Variants in PRDM5 observed in about 807,000 individuals in gnomAD.
The protein encoded by PRDM5 is PR domain zinc finger protein 5.
PRDM5 carries 56 observed loss-of-function variants against 81.2 expected under a neutral mutation model. The observed-to-expected ratio is 0.69, with a 90% CI of 0.56 to 0.86. The LOEUF (loss-of-function observed/expected upper bound fraction) is 0.86, where lower values mean the gene tolerates loss of function less well. Among genes scored for constraint, PRDM5 ranks in the 40% least tolerant of loss-of-function variants. PRDM5 has a pLI of 0.00. For missense variants in PRDM5, 697 were observed against 770.1 expected, an observed-to-expected ratio of 0.91 and a Z score of 1.12; for synonymous variants, 267 against 256.4, an observed-to-expected ratio of 1.04 and a Z score of -0.39.
intron 2 of PRDM5, among the ~76,000 whole-genome samples, chr4:120,879,967 A>G (rs1006768226): frequency 6.6e-6 from 1 of 152,186 alleles, no homozygotes; most frequent in Non-Finnish European, 1.5e-5. Context: ...TGCATCTGTC[A>G]GAACCCATAG....
intron 14 of PRDM5, among the ~76,000 whole-genome samples, chr4:120,730,070 G>T (rs1740028417): frequency 6.6e-6 from 1 of 152,176 alleles, no homozygotes; most frequent in African/African-American, 2.4e-5. Flanking sequence ...CATCTTGATG[G>T]CTGCATATCT....
chr4:120,689,998 A>C (rs1382239156), downstream of PRDM5, among the ~76,000 whole-genome samples: 3 of 152,152 alleles, frequency 2.0e-5, no homozygotes, highest in African/African-American at 7.2e-5. Context: ...ATAATCAATT[A>C]AATGTCACAT....
At chr4:120,800,701 T>C (rs939417572) in intron 8 of PRDM5, among the ~76,000 whole-genome samples, 1 of 152,196 alleles carries the variant, frequency 6.6e-6, no homozygotes, top group Non-Finnish European at 1.5e-5. Flanking sequence ...GAGTAGATTA[T>C]AGTTGCTCTT....
intron 14 of PRDM5, among the ~76,000 whole-genome samples, chr4:120,751,904 GA>G (rs1241894420): frequency 1.3e-5 from 2 of 152,162 alleles, no homozygotes; most frequent in African/African-American, 4.8e-5. Context: ...TACTGAATTA[GA>G]TAGCTTATTT....
chr4:120,897,525 T>C (rs1764777422), intron 2 of PRDM5, among the ~76,000 whole-genome samples: 1 of 152,234 alleles, frequency 6.6e-6, no homozygotes, highest in African/African-American at 2.4e-5. Flanking sequence ...GGAAAATTCT[T>C]AGCCATTACC....
chr4:120,775,613 AACTG>A (rs1366031730), intron 13 of PRDM5, among the ~76,000 whole-genome samples: 2 of 152,156 alleles, frequency 1.3e-5, no homozygotes, highest in African/African-American at 4.8e-5. Flanking sequence ...CATTACCATA[AACTG>A]ACTATTCTGA....
At chr4:120,812,133 G>A (rs1259996505) in intron 7 of PRDM5, among the ~76,000 whole-genome samples, 3 of 152,066 alleles carry the variant, frequency 2.0e-5, no homozygotes, top group Non-Finnish European at 4.4e-5. Flanking sequence ...TGAAATTTGT[G>A]CAGCTGTGCC....
rs540050258 is a variant in PRDM5, at chr4:120,841,800, C to G, written c.300+11618G>C. Among the ~76,000 whole-genome samples the G allele has an allele frequency of 3.3e-5, 5 of 152,242 alleles. No homozygotes were observed. The East Asian group carries it at 9.7e-4, about 29-fold the overall frequency. On this transcript the variant is annotated intron_variant, in intron 3 of 15. Coordinates refer to ENST00000264808, the MANE Select transcript of PRDM5 (RefSeq NM_018699.4). Reference sequence around the variant, plus strand: ...AGCTTTCATGTTGTTTGCTTGGCTCCATATATAACAAATGTTTCATTATAT... The same window carrying G: ...AGCTTTCATGTTGTTTGCTTGGCTCGATATATAACAAATGTTTCATTATAT...
intron 13 of PRDM5, among the ~76,000 whole-genome samples, chr4:120,759,893 A>C (rs561228898): frequency 5.9e-5 from 9 of 152,258 alleles, no homozygotes; most frequent in Non-Finnish European, 1.3e-4. Context: ...GGAAATAATA[A>C]CAATAGCTAA....
intron 8 of PRDM5, among the ~76,000 whole-genome samples, chr4:120,801,081 C>T (rs1231373851): frequency 1.3e-5 from 2 of 152,178 alleles, no homozygotes; most frequent in Non-Finnish European, 2.9e-5. Context: ...AACAGCATCA[C>T]ACAATGTTGT....
intron 2 of PRDM5, among the ~76,000 whole-genome samples, chr4:120,872,115 C>T (rs2148542995): frequency 8.2e-6 from 1 of 121,350 alleles, no homozygotes; most frequent in East Asian, 2.8e-4. Flanking sequence ...CACGCCACTG[C>T]ATTCCAGCCT....
chr4:120,842,614 T>C (rs1362336452), intron 3 of PRDM5, among the ~76,000 whole-genome samples: 1 of 152,238 alleles, frequency 6.6e-6, no homozygotes, highest in African/African-American at 2.4e-5. Flanking sequence ...ATATTAAGTA[T>C]TTTGGATTTC....
chr4:120,908,484 A>C (rs1401151587), intron 1 of PRDM5, among the ~76,000 whole-genome samples: 1 of 152,238 alleles, frequency 6.6e-6, no homozygotes, highest in African/African-American at 2.4e-5. Context: ...ATAACCACTA[A>C]GGCAATATTT....
At position 120,692,750 on chromosome 4, in the gene PRDM5, G is replaced by C. The variant is rs1170770957; in HGVS notation, c.*2361C>G. ...AATACCCCAGCCAAAATCTTTCACA[G>C]CAGGAAACAGAAGACATTTCAAAGT... On this transcript the variant is annotated 3_prime_UTR_variant, in exon 16 of 16. Transcript: ENST00000264808. The C allele has an allele frequency of 6.6e-6, 1 of 152,058 alleles. No individual in the cohort carries two copies. The highest frequency in any genetic ancestry group is 6.6e-5 in the Admixed American group (1 of 15,236). 9.4% of individuals were successfully genotyped at this position (152,058 alleles called of 1,614,324 possible).
chr4:120,844,550 AAAC>A (rs1240813204), intron 3 of PRDM5, among the ~76,000 whole-genome samples: 2 of 152,198 alleles, frequency 1.3e-5, no homozygotes, highest in African/African-American at 4.8e-5. Flanking sequence ...GGGCCACCAT[AAAC>A]CATACGTATA....
At chr4:120,788,854 A>T (rs2149258756) in intron 10 of PRDM5, among the ~76,000 whole-genome samples, 1 of 152,350 alleles carries the variant, frequency 6.6e-6, no homozygotes. Flanking sequence ...ATGGCAGAGA[A>T]CCCATGCATT....
chr4:120,772,026 T>G (rs553096239), intron 13 of PRDM5, among the ~76,000 whole-genome samples: 3 of 152,270 alleles, frequency 2.0e-5, no homozygotes, highest in African/African-American at 7.2e-5. Flanking sequence ...CTCAAAAGTA[T>G]ATGACTAGCT....
chr4:120,861,278 G>C (rs1409976357), intron 2 of PRDM5, among the ~76,000 whole-genome samples: 1 of 152,178 alleles, frequency 6.6e-6, no homozygotes, highest in Non-Finnish European at 1.5e-5. Flanking sequence ...AAAGTGCTGG[G>C]ATTATAGGCA....
chr4:120,821,497 G>T (rs1347511946), intron 3 of PRDM5, 152 bp from the exon 4 acceptor site: 1 of 713,634 alleles, frequency 1.4e-6, no homozygotes, highest in African/African-American at 1.8e-5. Flanking sequence ...AAAAAGGCAG[G>T]TGACAATATT....
Sources: gnomAD v4.1 joint callset for allele counts (sites outside exome capture counted in the v4.1 genomes callset) on GRCh38, gnomAD v4.1.1 for gene constraint, MANE v1.5 for transcripts, NCBI Gene and HGNC (gene_info 2026-07-23, HGNC 2026-07-21) for gene names.